JAK2: variants seen among roughly 807,000 people sequenced by gnomAD.
JAK2 encodes tyrosine-protein kinase JAK2.
Under a neutral mutation model 139.3 loss-of-function variants are expected in JAK2, and 86 were observed. That is an observed-to-expected ratio of 0.62 (90% CI 0.52 to 0.74). The LOEUF (loss-of-function observed/expected upper bound fraction) is 0.74, where lower values mean the gene tolerates loss of function less well. JAK2 is among the 30% of genes least tolerant of loss of function. The pLI, the probability that JAK2 is intolerant of heterozygous loss-of-function variation, is 0.00. For missense variants in JAK2, 1,421 were observed against 1,360.3 expected (o/e 1.04, Z -0.70); for synonymous variants, 490 against 437.7 (o/e 1.12, Z -1.49).
intron 16 of JAK2, among the ~76,000 whole-genome samples, chr9:5,079,476 A>G (rs902515193): frequency 1.3e-5 from 2 of 150,826 alleles, no homozygotes; most frequent in African/African-American, 5.0e-5. Context: ...TCCATCTGCC[A>G]TAAATGCTTG....
chr9:5,034,311 T>C (rs576302787), intron 4 of JAK2, among the ~76,000 whole-genome samples: 7 of 152,250 alleles, frequency 4.6e-5, no homozygotes, highest in East Asian at 3.9e-4. Flanking sequence ...AACACCCCAC[T>C]GTCAACATTA....
At chr9:4,993,812 T>C (rs140687960) in intron 2 of JAK2, among the ~76,000 whole-genome samples, 2 of 152,368 alleles carry the variant, frequency 1.3e-5, no homozygotes, top group East Asian at 3.9e-4. Flanking sequence ...GATTCCTGGC[T>C]GGGGCCACTG....
chr9:4,993,851 C>T (rs568293948), intron 2 of JAK2, among the ~76,000 whole-genome samples: 22 of 152,354 alleles, frequency 1.4e-4, no homozygotes, highest in African/African-American at 4.1e-4. Context: ...ATTCTCCCCA[C>T]GTCTGTGTGG....
intron 22 of JAK2, 105 bp from the exon 23 acceptor site, chr9:5,122,897 CTT>C: frequency 1.4e-6 from 1 of 701,798 alleles, no homozygotes; most frequent in Non-Finnish European, 2.3e-6. Flanking sequence ...TGTGATAACT[CTT>C]TTCTCTACAT....
In JAK2 at chr9:5,021,879, C is replaced by T. The variant is rs566830974; in HGVS notation, c.-25-84C>T. ...AACTTCTGGGCTCAAGCTATCTGCC[C>T]GCCTCGGCCCCGCAAAGTGCTAGGA... On this transcript the variant is annotated intron_variant, in intron 2 of 24. Coordinates refer to ENST00000381652, the MANE Select transcript of JAK2 (RefSeq NM_004972.4). 459 of 715,592 alleles carry T rather than the reference C, an allele frequency of 6.4e-4. 2 individuals are homozygous for T. The highest frequency in any genetic ancestry group is 3.2e-4 in the East Asian group (12 of 37,140). The allele number at this position is 715,592 out of a possible 1,614,324, so 44.3% of individuals were successfully genotyped here. A position where few individuals can be genotyped will look rare whatever the true frequency, so the allele number is the denominator to read the frequency against.
At chr9:5,123,542 A>C (rs1243776940) in intron 23 of JAK2, among the ~76,000 whole-genome samples, 1 of 151,934 alleles carries the variant, frequency 6.6e-6, no homozygotes, top group Non-Finnish European at 1.5e-5. Context: ...TTCTTTATCC[A>C]GTCATCCACT....
At chr9:5,029,635 G>C in intron 3 of JAK2, 148 bp from the exon 4 acceptor site, 1 of 581,326 alleles carries the variant, frequency 1.7e-6, no homozygotes, top group South Asian at 2.5e-5. Context: ...TCAGTTGTAG[G>C]GGTTGGTATA....
At chr9:5,105,555 A>C (rs1048868359) in intron 22 of JAK2, among the ~76,000 whole-genome samples, 2 of 152,346 alleles carry the variant, frequency 1.3e-5, no homozygotes, top group East Asian at 1.9e-4. Context: ...ATAGAACTGG[A>C]AACAACTACT....
In JAK2 at chr9:5,054,633, A is replaced by G; in HGVS notation, c.685A>G (p.Ile229Val). ...QDYHILTRKRIRYRFRRFIQQ... is the reference protein window; with the variant it reads ...QDYHILTRKRVRYRFRRFIQQ... ...CTATCATATTTTGACAAGGAAGCGA[A>G]TAAGGTACAGATTTCGCAGATTTAT... The change falls in exon 7 of 25, where the codon ATA (isoleucine) becomes GTA (valine). Residue 229 changes from isoleucine (I) to valine (V), a missense_variant. Transcript: ENST00000381652. This position sits in a 1 kb window ranked among gnomAD's most constrained non-coding sequence, Gnocchi z 4.9. 1 of 1,613,062 alleles carries G rather than the reference A, an allele frequency of 6.2e-7. No homozygotes were observed. The highest frequency in any genetic ancestry group is 8.5e-7 in the Non-Finnish European group (1 of 1,179,304).
intron 22 of JAK2, among the ~76,000 whole-genome samples, chr9:5,093,559 T>C (rs1820747576): frequency 6.6e-6 from 1 of 152,084 alleles, no homozygotes; most frequent in South Asian, 2.1e-4. Flanking sequence ...TTAATGCAAA[T>C]AAAAACTCAA....
chr9:5,104,809 A>G (rs1168258462), intron 22 of JAK2, among the ~76,000 whole-genome samples: 1 of 152,208 alleles, frequency 6.6e-6, no homozygotes, highest in Non-Finnish European at 1.5e-5. Context: ...GACAAAAACC[A>G]CATGATTATT....
intron 2 of JAK2, among the ~76,000 whole-genome samples, chr9:5,017,005 A>G (rs541826183): frequency 1.3e-5 from 2 of 152,350 alleles, no homozygotes; most frequent in South Asian, 4.1e-4. Flanking sequence ...AGAAGAATCT[A>G]CATCAAAACC....
At chr9:5,107,005 A>G (rs766839654) in intron 22 of JAK2, among the ~76,000 whole-genome samples, 3 of 152,198 alleles carry the variant, frequency 2.0e-5, no homozygotes, top group African/African-American at 4.8e-5. Context: ...CATTGTGCAC[A>G]TGTACCCTAG....
intron 14 of JAK2, among the ~76,000 whole-genome samples, chr9:5,074,241 A>C (rs1363221339): frequency 6.6e-6 from 1 of 152,158 alleles, no homozygotes; most frequent in African/African-American, 2.4e-5. Flanking sequence ...GTTCACAGAA[A>C]CTACTAAAAG....
chr9:5,042,169 C>T (rs529960997), intron 4 of JAK2, among the ~76,000 whole-genome samples: 4 of 127,916 alleles, frequency 3.1e-5, no homozygotes, highest in African/African-American at 9.0e-5. Context: ...CTCGCTTTGT[C>T]GCCCAGGCCG....
At chr9:5,107,666 A>T (rs971314311) in intron 22 of JAK2, among the ~76,000 whole-genome samples, 2 of 152,212 alleles carry the variant, frequency 1.3e-5, no homozygotes, top group African/African-American at 4.8e-5. Context: ...ACATTATATT[A>T]CCATATACCA....
chr9:5,126,128 T>C, intron 23 of JAK2: 1 of 455,660 alleles, frequency 2.2e-6, no homozygotes, highest in Non-Finnish European at 3.9e-6. Flanking sequence ...GTTGAGTTTA[T>C]TACAGCTATG....
chr9:5,006,125 A>C lies in JAK2; in HGVS notation c.-25-15838A>C, dbSNP rs980487288. 3.3e-5 allele frequency among the ~76,000 whole-genome samples: 5 copies of C among 152,196 alleles called. No homozygotes were observed. In the South Asian group the frequency reaches 1.0e-3, roughly 32 times the overall value. On this transcript the variant is annotated intron_variant, in intron 2 of 24. Coordinates refer to ENST00000381652, the MANE Select transcript of JAK2 (RefSeq NM_004972.4). ...ACGATATTGATTCTTCCTACCCATG[A>C]GCATGGAATGTTCTTCCATTTGTTT...
In JAK2 at chr9:5,127,447, T is replaced by C. The variant is rs1247938802; in HGVS notation, c.*656T>C. ...AAAGGGAACAAATGTCTAGTTTTATTTGTATAGGAAATTTCCCTGACCCTA... is the reference window on the plus strand; with the variant it reads ...AAAGGGAACAAATGTCTAGTTTTATCTGTATAGGAAATTTCCCTGACCCTA... On this transcript the variant is annotated 3_prime_UTR_variant, in exon 25 of 25. Transcript: ENST00000381652. 1.3e-5 allele frequency: 3 copies of C among 231,348 alleles called. No individual in the cohort carries two copies. The highest frequency in any genetic ancestry group is 2.6e-5 in the Non-Finnish European group (3 of 116,554). The allele number at this position is 231,348 out of a possible 1,614,324, so 14.3% of individuals were successfully genotyped here.
Sources: allele counts gnomAD v4.1 joint callset (sites outside exome capture counted in the v4.1 genomes callset), GRCh38; gene constraint gnomAD v4.1.1; non-coding constraint Gnocchi (gnomAD v3.1); transcripts MANE v1.5; gene names NCBI Gene and HGNC (gene_info 2026-07-23, HGNC 2026-07-21).